Variants in ZNF804B observed in about 807,000 individuals in gnomAD.
ZNF804B encodes zinc finger protein 804B.
In ZNF804B, 80 loss-of-function variants were observed where a neutral mutation model predicts 101.4. The observed-to-expected ratio is 0.79, with a 90% CI of 0.66 to 0.95. The LOEUF (loss-of-function observed/expected upper bound fraction) is 0.95. Ranked by LOEUF, ZNF804B falls within the 40% of genes least tolerant of loss-of-function variation. The pLI is 0.00. For missense variants in ZNF804B, 1,673 were observed against 1,561.9 expected (o/e 1.07, Z -1.20); for synonymous variants, 622 against 558.8 (o/e 1.11, Z -1.59).
intron 2 of ZNF804B, among the ~76,000 whole-genome samples, chr7:89,285,634 A>G (rs1278430160): frequency 7.0e-6 from 1 of 142,962 alleles, no homozygotes; most frequent in Non-Finnish European, 1.5e-5. Context: ...TTTAATTCAG[A>G]CAAAAGTGCC....
intron 1 of ZNF804B, among the ~76,000 whole-genome samples, chr7:89,131,630 A>G (rs1275184391): frequency 1.3e-5 from 2 of 152,062 alleles, no homozygotes; most frequent in Non-Finnish European, 2.9e-5. Flanking sequence ...GGAAAATGTC[A>G]GAGGAAATTG....
intron 1 of ZNF804B, among the ~76,000 whole-genome samples, chr7:88,971,252 A>G (rs1215585939): frequency 6.6e-6 from 1 of 151,640 alleles, no homozygotes; most frequent in East Asian, 2.0e-4. Context: ...TTCATATAGC[A>G]TTGGTTTGAA....
At chr7:88,915,099 T>C (rs866447363) in intron 1 of ZNF804B, among the ~76,000 whole-genome samples, 1 of 152,156 alleles carries the variant, frequency 6.6e-6, no homozygotes, top group African/African-American at 2.4e-5. Context: ...TGTATACTTT[T>C]AGGTAACTGA....
In ZNF804B at chr7:89,317,483, A is replaced by G. The variant is rs777418505; in HGVS notation, c.250-9861A>G. Among the ~76,000 whole-genome samples the G allele has an allele frequency of 5.9e-5, 9 of 152,258 alleles. No homozygotes were observed. In the South Asian group the frequency reaches 6.2e-4, roughly 10 times the overall value. On this transcript the variant is annotated intron_variant, in intron 2 of 3. Transcript: ENST00000333190. Reference sequence around the variant, plus strand: ...ACTGGACTAAGTGAGGGCTACTGCCAATGAGCAGTTAACTAGAGCTTTTCT... The same window carrying G: ...ACTGGACTAAGTGAGGGCTACTGCCGATGAGCAGTTAACTAGAGCTTTTCT...
At chr7:88,884,053 C>G (rs1016645663) in intron 1 of ZNF804B, among the ~76,000 whole-genome samples, 4 of 151,866 alleles carry the variant, frequency 2.6e-5, no homozygotes, top group Non-Finnish European at 5.9e-5. Context: ...TCTAATCTCA[C>G]TTTTTCTCAA....
At chr7:88,983,812 C>T (rs1413027509) in intron 1 of ZNF804B, among the ~76,000 whole-genome samples, 1 of 151,902 alleles carries the variant, frequency 6.6e-6, no homozygotes, top group Non-Finnish European at 1.5e-5. Context: ...ATCTTGATCT[C>T]CATTTGGCTC....
At chr7:88,854,808 T>C (rs1248359971) in intron 1 of ZNF804B, among the ~76,000 whole-genome samples, 2 of 130,668 alleles carry the variant, frequency 1.5e-5, no homozygotes, top group African/African-American at 6.0e-5. Flanking sequence ...CCTGTGTCCA[T>C]GTGTTCTCAG....
At chr7:89,283,782 G>T (rs1458566793) in intron 2 of ZNF804B, among the ~76,000 whole-genome samples, 2 of 151,754 alleles carry the variant, frequency 1.3e-5, no homozygotes, top group Non-Finnish European at 2.9e-5. Context: ...TACATATACA[G>T]TTGACCCTAG....
At chr7:89,022,048 C>T (rs577672440) in intron 1 of ZNF804B, among the ~76,000 whole-genome samples, 1 of 152,196 alleles carries the variant, frequency 6.6e-6, no homozygotes, top group African/African-American at 2.4e-5. Context: ...TGGAGTTTCT[C>T]CACTTACTTT....
At chr7:89,203,811 T>A (rs557601745) in intron 1 of ZNF804B, among the ~76,000 whole-genome samples, 2 of 152,196 alleles carry the variant, frequency 1.3e-5, no homozygotes, top group Non-Finnish European at 2.9e-5. Context: ...TTGCTTTTTC[T>A]TAAAAGCAAA....
intron 1 of ZNF804B, among the ~76,000 whole-genome samples, chr7:88,918,251 A>G (rs541826427): frequency 3.9e-5 from 6 of 152,140 alleles, no homozygotes; most frequent in Non-Finnish European, 7.4e-5. Context: ...ATCCGTTGGC[A>G]TGTGCTCTTT....
At chr7:88,955,754 T>A (rs1793296094) in intron 1 of ZNF804B, among the ~76,000 whole-genome samples, 1 of 151,518 alleles carries the variant, frequency 6.6e-6, no homozygotes, top group Admixed American at 6.6e-5. Flanking sequence ...CAAATGAGAC[T>A]ATATTAAACT....
intron 1 of ZNF804B, among the ~76,000 whole-genome samples, chr7:88,959,249 T>A (rs1432894573): frequency 3.3e-5 from 5 of 151,444 alleles, no homozygotes; most frequent in Admixed American, 1.3e-4. Flanking sequence ...CCCTTACAGG[T>A]GAACTTTGTG....
intron 1 of ZNF804B, among the ~76,000 whole-genome samples, chr7:89,133,487 C>T (rs1790583035): frequency 6.6e-6 from 1 of 151,944 alleles, no homozygotes; most frequent in African/African-American, 2.4e-5. Context: ...TTTCACAGTG[C>T]TGGCTGGGTG....
chr7:88,794,642 C>T (rs368994275), intron 1 of ZNF804B: 2 of 1,613,662 alleles, frequency 1.2e-6, no homozygotes, highest in South Asian at 1.1e-5. Flanking sequence ...CTGGAGGACT[C>T]GAGGATATGC....
At chr7:89,256,259 A>T (rs1292796876) in intron 2 of ZNF804B, among the ~76,000 whole-genome samples, 1 of 152,182 alleles carries the variant, frequency 6.6e-6, no homozygotes, top group African/African-American at 2.4e-5. Context: ...ATAAGCCATT[A>T]AAAGGGTCTG....
intron 1 of ZNF804B, among the ~76,000 whole-genome samples, chr7:89,207,795 TATTA>T (rs1303255263): frequency 6.6e-6 from 1 of 152,234 alleles, no homozygotes; most frequent in African/African-American, 2.4e-5. Flanking sequence ...TCACTACATT[TATTA>T]ATTCATGTAT....
intron 1 of ZNF804B, among the ~76,000 whole-genome samples, chr7:89,095,702 A>G (rs1789961982): frequency 6.6e-6 from 1 of 152,260 alleles, no homozygotes; most frequent in South Asian, 2.1e-4. Context: ...TTAACAAATG[A>G]GAATCCCAAC....
At chr7:88,977,393 T>C (rs1584050112) in intron 1 of ZNF804B, among the ~76,000 whole-genome samples, 1 of 151,460 alleles carries the variant, frequency 6.6e-6, no homozygotes, top group Non-Finnish European at 1.5e-5. Flanking sequence ...TCTTTGATGG[T>C]AGACTTTTTA....
Sources: allele counts gnomAD v4.1 joint callset (sites outside exome capture counted in the v4.1 genomes callset), GRCh38; gene constraint gnomAD v4.1.1; transcripts MANE v1.5; gene names NCBI Gene and HGNC (gene_info 2026-07-23, HGNC 2026-07-21).